Variants in LARGE1 observed in about 807,000 individuals in gnomAD.
The protein encoded by LARGE1 is xylosyl- and glucuronyltransferase LARGE1.
A neutral mutation model predicts 87.6 loss-of-function variants in LARGE1; 43 were observed. That is an observed-to-expected ratio of 0.49 (90% CI 0.38 to 0.63). The LOEUF (loss-of-function observed/expected upper bound fraction) is 0.63, where lower values mean the gene tolerates loss of function less well. Ranked by LOEUF, LARGE1 falls within the 30% of genes least tolerant of loss-of-function variation. LARGE1 has a pLI of 0.00. For synonymous variants in LARGE1, 434 were observed against 394.6 expected (o/e 1.10, Z -1.18); for missense variants, 802 against 1,000.2 (o/e 0.80, Z 2.67).
chr22:33,560,730 C>T (rs141873567), intron 6 of LARGE1, among the ~76,000 whole-genome samples: 17 of 152,266 alleles, frequency 1.1e-4, no homozygotes, highest in Non-Finnish European at 1.8e-4. Flanking sequence ...GACTCCAAAG[C>T]CGTATGGATT....
chr22:33,692,869 C>T (rs1005340929), intron 2 of LARGE1, among the ~76,000 whole-genome samples: 5 of 152,118 alleles, frequency 3.3e-5, no homozygotes, highest in Non-Finnish European at 7.4e-5. Flanking sequence ...AGAGAACTAC[C>T]ATTCAAACCT....
rs777541821 is a variant in LARGE1 at position 33,283,186 on chromosome 22, A to G, written c.1877+16T>C. ...CCTTCGAGCACCCCCAGAGTACAGC[A>G]GCTAGAGCCACTCACCTGAATGTGA... is the stretch of plus-strand genomic sequence containing the variant. On this transcript the variant is annotated intron_variant, in intron 13 of 14. Transcript: ENST00000397394. The G allele has an allele frequency of 1.2e-6, 2 of 1,614,046 alleles. No homozygotes were observed. Among genetic ancestry groups the G allele is most frequent in the South Asian group, 2.2e-5 (2 of 91,062 alleles).
intron 1 of LARGE1, among the ~76,000 whole-genome samples, chr22:33,785,442 C>A (rs1364915476): frequency 1.3e-5 from 2 of 152,016 alleles, no homozygotes; most frequent in Non-Finnish European, 2.9e-5. Context: ...TGTTTCACAT[C>A]CAGCACTCTT....
intron 7 of LARGE1, among the ~76,000 whole-genome samples, chr22:33,386,577 C>G (rs2065330589): frequency 6.7e-6 from 1 of 148,974 alleles, no homozygotes; most frequent in African/African-American, 2.4e-5. Flanking sequence ...GGTGTAAACA[C>G]TCCCATCATG....
At chr22:33,750,232 T>G (rs1314177140) in intron 2 of LARGE1, among the ~76,000 whole-genome samples, 1 of 152,162 alleles carries the variant, frequency 6.6e-6, no homozygotes, top group Non-Finnish European at 1.5e-5. Context: ...CGTGACAAAA[T>G]GGATCATCCG....
At chr22:33,536,631 G>A (rs972708746) in intron 6 of LARGE1, among the ~76,000 whole-genome samples, 1 of 152,198 alleles carries the variant, frequency 6.6e-6, no homozygotes, top group African/African-American at 2.4e-5. Context: ...CTTATGATGC[G>A]TCACAGAGTG....
intron 11 of LARGE1, among the ~76,000 whole-genome samples, chr22:33,199,543 G>T (rs1488485178): frequency 1.3e-5 from 2 of 152,094 alleles, no homozygotes; most frequent in Non-Finnish European, 2.9e-5. Flanking sequence ...TATATGGTGA[G>T]AGTTATGAGT....
rs756763429 is a variant in LARGE1 at position 33,515,478 on chromosome 22, T to C, written c.787+49370A>G. ...GCCTGTTAGCGTACCTGACACATGATTGGCACTTGGTATGTGTTTGTTGAA... is the reference window on the plus strand; with the variant it reads ...GCCTGTTAGCGTACCTGACACATGACTGGCACTTGGTATGTGTTTGTTGAA... On this transcript the variant is annotated intron_variant, in intron 6 of 14. Coordinates refer to ENST00000397394, the MANE Select transcript of LARGE1 (RefSeq NM_133642.5). 2.0e-5 allele frequency among the ~76,000 whole-genome samples: 3 copies of C among 152,168 alleles called. No individual in the cohort carries two copies. In the East Asian group the frequency reaches 5.8e-4, roughly 29 times the overall value.
At chr22:33,160,138 A>G (rs1921974748), downstream of LARGE1, among the ~76,000 whole-genome samples, 1 of 152,244 alleles carries the variant, frequency 6.6e-6, no homozygotes, top group South Asian at 2.1e-4. Context: ...GTTAAGCTTT[A>G]CATTACAGTT....
chr22:33,787,060 T>C (rs2085671807), intron 1 of LARGE1, among the ~76,000 whole-genome samples: 1 of 151,610 alleles, frequency 6.6e-6, no homozygotes, highest in Non-Finnish European at 1.5e-5. Flanking sequence ...AAGATAATGG[T>C]ACACATGCAC....
At chr22:33,253,397 A>G (rs1927100490) in intron 11 of LARGE1, among the ~76,000 whole-genome samples, 1 of 152,190 alleles carries the variant, frequency 6.6e-6, no homozygotes, top group African/African-American at 2.4e-5. Context: ...CTGAGACTGT[A>G]AGTATGTTGG....
chr22:33,783,214 T>C (rs549307028), intron 1 of LARGE1, among the ~76,000 whole-genome samples: 61 of 152,174 alleles, frequency 4.0e-4, no homozygotes, highest in Non-Finnish European at 7.2e-4. Flanking sequence ...GAGAGTCTCT[T>C]TGAGCACTAT....
the LARGE1 span, among the ~76,000 whole-genome samples, chr22:33,127,340 G>A: frequency 2.2e-5 from 1 of 45,950 alleles, no homozygotes; most frequent in Non-Finnish European, 5.6e-5. Flanking sequence ...AGGTGAGAGT[G>A]TGTGTCTCAA....
intron 9 of LARGE1, among the ~76,000 whole-genome samples, chr22:33,371,681 A>C (rs2147007750): frequency 6.6e-6 from 1 of 152,328 alleles, no homozygotes; most frequent in East Asian, 1.9e-4. Context: ...TAAATTAGGT[A>C]AATGTAAATG....
At chr22:33,094,840 T>A in the LARGE1 span, among the ~76,000 whole-genome samples, 6 of 152,338 alleles carry the variant, frequency 3.9e-5, no homozygotes, top group South Asian at 1.2e-3. Flanking sequence ...TGCCTCAGCC[T>A]CCTGAGTAGC....
chr22:33,265,227 C>T (rs1183055497), intron 11 of LARGE1, among the ~76,000 whole-genome samples: 1 of 152,062 alleles, frequency 6.6e-6, no homozygotes, highest in Non-Finnish European at 1.5e-5. Context: ...TTATACCCCA[C>T]CTTTGGGGTC....
intron 6 of LARGE1, among the ~76,000 whole-genome samples, chr22:33,480,043 C>T (rs1302944846): frequency 6.6e-6 from 1 of 152,148 alleles, no homozygotes; most frequent in African/African-American, 2.4e-5. Context: ...CTGTGCCCGG[C>T]AAGAATGCCT....
At chr22:33,298,470 T>A (rs897201297) in intron 12 of LARGE1, among the ~76,000 whole-genome samples, 1 of 152,198 alleles carries the variant, frequency 6.6e-6, no homozygotes, top group Non-Finnish European at 1.5e-5. Flanking sequence ...ACTTCACAGA[T>A]AAAACAAGTT....
intron 1 of LARGE1, among the ~76,000 whole-genome samples, chr22:33,828,867 G>A (rs1345046878): frequency 2.6e-5 from 4 of 152,122 alleles, no homozygotes; most frequent in African/African-American, 4.8e-5. Context: ...CAGCCTCCTT[G>A]CTAATCAAGG....
Sources: allele counts gnomAD v4.1 joint callset (sites outside exome capture counted in the v4.1 genomes callset), GRCh38; gene constraint gnomAD v4.1.1; transcripts MANE v1.5; gene names NCBI Gene and HGNC (gene_info 2026-07-23, HGNC 2026-07-21).